Variants in PLXNA4 observed in about 807,000 individuals in gnomAD.
PLXNA4 encodes the protein plexin A4.
In PLXNA4, 44 loss-of-function variants were observed where a neutral mutation model predicts 191.8. The ratio of observed to expected loss-of-function variants is 0.23; its 90% CI spans 0.18 to 0.29. The LOEUF is 0.29. Ranked by LOEUF, PLXNA4 falls within the 10% of genes least tolerant of loss-of-function variation. The pLI, the probability that PLXNA4 is intolerant of heterozygous loss-of-function variation, is 1.00. For synonymous variants in PLXNA4, 1,082 were observed against 1,009.5 expected, an observed-to-expected ratio of 1.07 and a Z score of -1.36; for missense variants, 1,800 against 2,488.8, an observed-to-expected ratio of 0.72 and a Z score of 5.89.
At chr7:132,553,454 T>C (rs1800655150) in intron 1 of PLXNA4, among the ~76,000 whole-genome samples, 1 of 151,934 alleles carries the variant, frequency 6.6e-6, no homozygotes, top group Admixed American at 6.6e-5. Context: ...ACAGGGTACA[T>C]GAAAATTAAG....
intron 3 of PLXNA4, among the ~76,000 whole-genome samples, chr7:132,476,959 A>G (rs1045626668): frequency 2.0e-5 from 3 of 152,178 alleles, no homozygotes; most frequent in Non-Finnish European, 2.9e-5. Flanking sequence ...AAAGTAAATC[A>G]CAGGAAAATC....
intron 1 of PLXNA4, among the ~76,000 whole-genome samples, chr7:132,527,635 C>G (rs12532813): frequency 0.037 from 5,620 of 151,242 alleles, 270 homozygotes; most frequent in African/African-American, 0.11. Flanking sequence ...AAATCAATGA[C>G]GCAAAGGCTC....
At chr7:132,575,886 C>G (rs1490035596) in intron 1 of PLXNA4, among the ~76,000 whole-genome samples, 1 of 152,180 alleles carries the variant, frequency 6.6e-6, no homozygotes, top group Non-Finnish European at 1.5e-5. Flanking sequence ...TGGCCTCCTC[C>G]CCGGGCGCTG....
At chr7:132,421,202 T>C (rs977167739) in intron 3 of PLXNA4, among the ~76,000 whole-genome samples, 1 of 152,228 alleles carries the variant, frequency 6.6e-6, no homozygotes, top group African/African-American at 2.4e-5. Context: ...ATTTGTCCTT[T>C]TGTGTCTGGC....
rs1796921788 is a variant in PLXNA4, at chr7:132,187,585, T to G, written c.2879A>C (p.Lys960Thr). ...TCCGGACATGGGCCCCCGGCTGGGC[T>G]TCAGATCTGAGAGAGTCAGTGTCTG... Reference protein sequence around the residue: ...YFMTLTLSDLKPSRGPMSGGT... With the variant: ...YFMTLTLSDLTPSRGPMSGGT... The change falls in exon 15 of 32, where the codon AAG (lysine) becomes ACG (threonine). Residue 960 changes from lysine (K) to threonine (T), a missense_variant. By Grantham distance (78) the Lys-to-Thr change is moderately conservative. Transcript: ENST00000321063. 1 of 1,613,452 alleles carries G rather than the reference T, an allele frequency of 6.2e-7. No homozygotes were observed. Among genetic ancestry groups the G allele is most frequent in the Non-Finnish European group, 8.5e-7 (1 of 1,179,732 alleles).
intron 2 of PLXNA4, among the ~76,000 whole-genome samples, chr7:132,615,405 C>T (rs1178678253): frequency 6.6e-6 from 1 of 152,126 alleles, no homozygotes; most frequent in East Asian, 1.9e-4. Context: ...CCGCCCCTGG[C>T]GGAGGGGACG....
chr7:132,518,045 T>A (rs982405052), intron 1 of PLXNA4, among the ~76,000 whole-genome samples: 14 of 152,284 alleles, frequency 9.2e-5, no homozygotes, highest in Admixed American at 9.2e-4. Context: ...CCATGAATTA[T>A]TTTACAACTT....
At chr7:132,157,196 C>A (rs1207058354) in intron 25 of PLXNA4, among the ~76,000 whole-genome samples, 1 of 152,228 alleles carries the variant, frequency 6.6e-6, no homozygotes, top group Admixed American at 6.5e-5. Context: ...GACCTGTTTC[C>A]TCTGGGAAGC....
At position 132,563,063 on chromosome 7, in the gene PLXNA4, C is replaced by T. The variant is rs183654084; in HGVS notation, c.-87+13359G>A. Among the ~76,000 whole-genome samples, 175 of 97,912 alleles carry T rather than the reference C, an allele frequency of 1.8e-3. 5 individuals are homozygous for T. The highest frequency in any genetic ancestry group is 2.4e-3 in the Non-Finnish European group (116 of 47,836). The allele number at this position is 97,912 out of a possible 152,430, so 64.2% of individuals were successfully genotyped here. A position where few individuals can be genotyped will look rare whatever the true frequency, so the allele number is the denominator to read the frequency against. On this transcript the variant is annotated intron_variant, in intron 1 of 31. Coordinates refer to ENST00000321063, the MANE Select transcript of PLXNA4 (RefSeq NM_020911.2). ...TTCTCTTCTTTCTCTGCCTCCTTCTCCTCCTCCTCCTCCTTCTCCTCCTCC... is the reference window on the plus strand; with the variant it reads ...TTCTCTTCTTTCTCTGCCTCCTTCTTCTCCTCCTCCTCCTTCTCCTCCTCC...
intron 22 of PLXNA4, among the ~76,000 whole-genome samples, chr7:132,165,992 A>G (rs1182675830): frequency 4.6e-5 from 7 of 152,112 alleles, no homozygotes; most frequent in Admixed American, 3.9e-4. Flanking sequence ...AGGTCAACAG[A>G]TCAAGACCAT....
At chr7:132,369,062 G>A (rs1249754026) in intron 3 of PLXNA4, among the ~76,000 whole-genome samples, 1 of 152,146 alleles carries the variant, frequency 6.6e-6, no homozygotes, top group African/African-American at 2.4e-5. Flanking sequence ...GCTTGGATCT[G>A]CCTGGCCTGA....
At chr7:132,454,222 C>G (rs1390884244) in intron 3 of PLXNA4, among the ~76,000 whole-genome samples, 1 of 152,180 alleles carries the variant, frequency 6.6e-6, no homozygotes, top group Non-Finnish European at 1.5e-5. Context: ...CACAACAGCC[C>G]CATCGTATAG....
chr7:132,547,997 T>G (rs1424551598), intron 1 of PLXNA4, among the ~76,000 whole-genome samples: 1 of 152,164 alleles, frequency 6.6e-6, no homozygotes, highest in African/African-American at 2.4e-5. Context: ...CGAGTAGATC[T>G]AATGCTGTTG....
chr7:132,450,535 A>G (rs775697070), intron 3 of PLXNA4, among the ~76,000 whole-genome samples: 7 of 152,202 alleles, frequency 4.6e-5, no homozygotes, highest in Non-Finnish European at 8.8e-5. Flanking sequence ...GCAGCCAGTG[A>G]TCATGTTCAT....
At chr7:132,400,834 C>A (rs1793955499) in intron 3 of PLXNA4, among the ~76,000 whole-genome samples, 1 of 152,206 alleles carries the variant, frequency 6.6e-6, no homozygotes, top group Non-Finnish European at 1.5e-5. Context: ...GCATTCCAAT[C>A]AGATTATTTC....
chr7:132,498,863 C>A (rs896849841), intron 2 of PLXNA4, among the ~76,000 whole-genome samples: 2 of 152,158 alleles, frequency 1.3e-5, no homozygotes, highest in African/African-American at 4.8e-5. Context: ...TAAATGAATG[C>A]ATTTAACTAC....
chr7:132,433,731 C>T (rs908721808), intron 3 of PLXNA4, among the ~76,000 whole-genome samples: 10 of 152,086 alleles, frequency 6.6e-5, no homozygotes, highest in African/African-American at 7.2e-5. Flanking sequence ...CTGTGATATC[C>T]GCGACCTCCT....
At chr7:132,320,104 G>A (rs1584987286) in intron 3 of PLXNA4, among the ~76,000 whole-genome samples, 1 of 152,228 alleles carries the variant, frequency 6.6e-6, no homozygotes, top group South Asian at 2.1e-4. Context: ...CATACTGGGC[G>A]CTTTTAAGAT....
chr7:132,562,097 TCTCCTC>T (rs1234479419), intron 1 of PLXNA4, among the ~76,000 whole-genome samples: 3 of 68,888 alleles, frequency 4.4e-5, no homozygotes, highest in African/African-American at 2.0e-4. Context: ...CCTCCTCCTT[TCTCCTC>T]CTCCTCCTTC....
Sources: allele counts gnomAD v4.1 joint callset (sites outside exome capture counted in the v4.1 genomes callset), GRCh38; gene constraint gnomAD v4.1.1; transcripts MANE v1.5; gene names NCBI Gene and HGNC (gene_info 2026-07-23, HGNC 2026-07-21).